PLCE1: variants seen among roughly 807,000 people sequenced by gnomAD.
The protein encoded by PLCE1 is 1-phosphatidylinositol 4,5-bisphosphate phosphodiesterase epsilon-1.
PLCE1 carries 119 observed loss-of-function variants against 242.8 expected under a neutral mutation model. The ratio of observed to expected loss-of-function variants is 0.49; its 90% CI spans 0.42 to 0.57. PLCE1 has a LOEUF of 0.57. Among genes scored for constraint, PLCE1 ranks in the 20% least tolerant of loss-of-function variants. The pLI, the probability that PLCE1 is intolerant of heterozygous loss-of-function variation, is 0.00. For synonymous variants in PLCE1, 945 were observed against 1,017.4 expected, an observed-to-expected ratio of 0.93 and a Z score of 1.35; for missense variants, 2,441 against 2,788.8, an observed-to-expected ratio of 0.88 and a Z score of 2.81.
rs76683180 is a variant in PLCE1, at chr10:94,170,083, A to G, written c.1493-1097A>G. Among the ~76,000 whole-genome samples the G allele has an allele frequency of 2.0e-3, 312 of 152,334 alleles. 3 individuals carry two copies. The highest frequency in any genetic ancestry group is 6.5e-3 in the African/African-American group (269 of 41,574). On this transcript the variant is annotated intron_variant, in intron 3 of 32. Coordinates refer to ENST00000371380, the MANE Select transcript of PLCE1 (RefSeq NM_016341.4). ...AGTGATAATTCCAAAGTTTTCTGCA[A>G]TGGAGATTTAGAAAAGAGTCAGAGA...
At chr10:94,260,512 CTAT>C (rs2051258855) in intron 13 of PLCE1, among the ~76,000 whole-genome samples, 1 of 152,092 alleles carries the variant, frequency 6.6e-6, no homozygotes, top group African/African-American at 2.4e-5. Context: ...TGAGCTAAGA[CTAT>C]TAAGTATTGT....
intron 2 of PLCE1, chr10:94,108,587 C>G (rs1192372376): frequency 6.6e-6 from 1 of 152,246 alleles, no homozygotes; most frequent in Non-Finnish European, 1.5e-5. Flanking sequence ...CATGGCGAAG[C>G]CTCAGTAAAT....
chr10:94,160,699 C>A (rs2047582922), intron 3 of PLCE1, among the ~76,000 whole-genome samples: 1 of 152,164 alleles, frequency 6.6e-6, no homozygotes, highest in Non-Finnish European at 1.5e-5. Context: ...TTGCCCATGC[C>A]TATGTCCTGA....
chr10:94,298,658 A>G lies in PLCE1; in HGVS notation c.5447A>G (p.Tyr1816Cys), dbSNP rs1220428835. The change falls in exon 24 of 33, where the codon TAC becomes TGC. Residue 1816 changes from tyrosine (Y) to cysteine (C), a missense_variant. Around this residue, in one of 5 missense-constraint regions of PLCE1, gnomAD observed 1,004 missense variants for 1,322.7 expected, o/e 0.76. Coordinates refer to ENST00000371380, the MANE Select transcript of PLCE1 (RefSeq NM_016341.4). This position sits in a 1 kb window ranked among gnomAD's most constrained non-coding sequence, Gnocchi z 5.2. ...LHGIQLVALN[Y>C]QTDDLPLHLN... ...GGGATACAGCTTGTGGCACTCAACTACCAGACTGATGGTAAGGGGCCTGCA... is the reference window on the plus strand; with the variant it reads ...GGGATACAGCTTGTGGCACTCAACTGCCAGACTGATGGTAAGGGGCCTGCA... 6.2e-7 allele frequency: 1 copy of G among 1,613,896 alleles called. No individual in the cohort carries two copies. The highest frequency in any genetic ancestry group is 8.5e-7 in the Non-Finnish European group (1 of 1,179,984).
chr10:94,052,744 T>C (rs1010967025), intron 2 of PLCE1, among the ~76,000 whole-genome samples: 1 of 152,290 alleles, frequency 6.6e-6, no homozygotes, highest in East Asian at 1.9e-4. Flanking sequence ...GGAATAAAGG[T>C]AGTGAGCATC....
rs886047502 is a variant in PLCE1 at position 94,265,842 on chromosome 10, G to A, written c.4165G>A (p.Glu1389Lys). 1 of 1,614,016 alleles carries A rather than the reference G, an allele frequency of 6.2e-7. No homozygotes were observed. The highest frequency in any genetic ancestry group is 8.5e-7 in the Non-Finnish European group (1 of 1,179,962). ...NFASKNDESQ[E>K]NIKELQLPLS... ...TGCCTCAAAAAATGATGAGTCACAG[G>A]AGAACATTAAAGAACTGCAGCTACC... Residue 1389 changes from glutamate (E) to lysine (K), a missense_variant, in exon 16 of 33, where the codon GAG becomes AAG. By Grantham distance (56) the Glu-to-Lys change is moderately conservative (BLOSUM62 1). This residue lies in a region of PLCE1 where 1,004 missense variants were observed against 1,322.7 expected (regional missense o/e 0.76). Coordinates refer to ENST00000371380, the MANE Select transcript of PLCE1 (RefSeq NM_016341.4).
At chr10:94,202,501 C>T (rs1175597256) in intron 4 of PLCE1, among the ~76,000 whole-genome samples, 6 of 152,240 alleles carry the variant, frequency 3.9e-5, no homozygotes, top group Admixed American at 1.3e-4. Context: ...TAGAAGCTGA[C>T]GCTACCCCGA....
At chr10:94,128,188 G>T (rs771947314) in intron 2 of PLCE1, among the ~76,000 whole-genome samples, 2 of 151,988 alleles carry the variant, frequency 1.3e-5, no homozygotes, top group African/African-American at 4.8e-5. Flanking sequence ...GGGTTTTACC[G>T]TGTTGGTCAG....
At chr10:93,994,606 A>C (rs1265669826) in intron 1 of PLCE1, among the ~76,000 whole-genome samples, 1 of 152,256 alleles carries the variant, frequency 6.6e-6, no homozygotes, top group Non-Finnish European at 1.5e-5. Flanking sequence ...AGTGCTCAAG[A>C]GATTGTTCCT....
intron 2 of PLCE1, among the ~76,000 whole-genome samples, chr10:94,062,537 T>A (rs2044080865): frequency 6.6e-6 from 1 of 152,082 alleles, no homozygotes; most frequent in South Asian, 2.1e-4. Flanking sequence ...ATGTCTGGTA[T>A]ATATTAAACA....
At chr10:94,079,997 G>A (rs1215837821) in intron 2 of PLCE1, among the ~76,000 whole-genome samples, 22 of 152,198 alleles carry the variant, frequency 1.4e-4, no homozygotes. Flanking sequence ...GGGAATCCCA[G>A]GGTATGAACT....
At chr10:94,327,129 T>G (rs2054050258) in intron 32 of PLCE1, among the ~76,000 whole-genome samples, 1 of 151,956 alleles carries the variant, frequency 6.6e-6, no homozygotes, top group East Asian at 1.9e-4. Flanking sequence ...GCCACTGCAC[T>G]CCAGCCTAGC....
At chr10:94,250,501 C>T (rs886311002) in intron 8 of PLCE1, among the ~76,000 whole-genome samples, 1 of 149,962 alleles carries the variant, frequency 6.7e-6, no homozygotes, top group Admixed American at 6.6e-5. Context: ...ACTCCATCTC[C>T]AAGAAAAAAA....
chr10:94,021,844 A>T (rs1191426654), intron 1 of PLCE1, among the ~76,000 whole-genome samples: 1 of 152,164 alleles, frequency 6.6e-6, no homozygotes, highest in South Asian at 2.1e-4. Flanking sequence ...GCAGAAAAAC[A>T]TTGGAAAATC....
intron 3 of PLCE1, among the ~76,000 whole-genome samples, chr10:94,144,841 C>T (rs1483274781): frequency 2.0e-5 from 3 of 152,182 alleles, no homozygotes; most frequent in East Asian, 1.9e-4. Flanking sequence ...GTATTGGGCA[C>T]TCACTGTGAG....
At chr10:94,295,491 T>A (rs2052781672) in intron 23 of PLCE1, among the ~76,000 whole-genome samples, 1 of 152,170 alleles carries the variant, frequency 6.6e-6, no homozygotes. Context: ...ATATCTGCAG[T>A]TACTCCCTCC....
chr10:94,073,908 G>A (rs1280045144), intron 2 of PLCE1, among the ~76,000 whole-genome samples: 2 of 152,102 alleles, frequency 1.3e-5, no homozygotes, highest in Non-Finnish European at 1.5e-5. Context: ...CACAGAAGGC[G>A]GGAAAACAGG....
At chr10:94,043,180 AG>A (rs1322756929) in intron 2 of PLCE1, among the ~76,000 whole-genome samples, 1 of 152,204 alleles carries the variant, frequency 6.6e-6, no homozygotes, top group Non-Finnish European at 1.5e-5. Context: ...TAAAGGATTC[AG>A]AGTGAGGCAC....
chr10:94,291,222 C>G (rs1262223963), intron 22 of PLCE1, among the ~76,000 whole-genome samples: 1 of 152,068 alleles, frequency 6.6e-6, no homozygotes, highest in Non-Finnish European at 1.5e-5. Flanking sequence ...CTCCTGGGCT[C>G]AAGCGATTCT....
Sources: allele counts gnomAD v4.1 joint callset (sites outside exome capture counted in the v4.1 genomes callset), GRCh38; gene constraint gnomAD v4.1.1; regional missense constraint gnomAD v4.1.1; non-coding constraint Gnocchi (gnomAD v3.1); transcripts MANE v1.5; gene names NCBI Gene and HGNC (gene_info 2026-07-23, HGNC 2026-07-21).